Variants in ZNFX1 observed in about 807,000 individuals in gnomAD.
ZNFX1 encodes zinc finger NFX1-type containing 1.
Under a neutral mutation model 179.8 loss-of-function variants are expected in ZNFX1, and 78 were observed. That is an observed-to-expected ratio of 0.43 (90% CI 0.36 to 0.52). ZNFX1 has a LOEUF of 0.52. ZNFX1 is among the 20% of genes least tolerant of loss of function. The pLI is 0.00. For missense variants in ZNFX1, 1,927 were observed against 2,386.6 expected (o/e 0.81, Z 4.01); for synonymous variants, 848 against 868.5 (o/e 0.98, Z 0.42).
At chr20:49,256,552 G>A (rs976309721) in intron 8 of ZNFX1, among the ~76,000 whole-genome samples, 2 of 152,200 alleles carry the variant, frequency 1.3e-5, no homozygotes, top group African/African-American at 4.8e-5. Flanking sequence ...TCTTCTGGCC[G>A]TCACTGAGTC....
chr20:49,264,676 C>T, intron 5 of ZNFX1, 40 bp downstream of exon 5: 2 of 1,604,020 alleles, frequency 1.2e-6, no homozygotes, highest in Non-Finnish European at 8.5e-7. Context: ...TGTTTAGGTC[C>T]CTCTTGAACT....
chr20:49,257,701 T>TA (rs1490296855), intron 7 of ZNFX1, 37 bp from the exon 8 acceptor site: 2 of 1,432,820 alleles, frequency 1.4e-6, no homozygotes, highest in East Asian at 4.8e-5. Flanking sequence ...AGATGAAAAC[T>TA]CTTTTTTTTT....
intron 6 of ZNFX1, among the ~76,000 whole-genome samples, chr20:49,262,040 TAAA>T (rs11478099): frequency 6.7e-6 from 1 of 148,720 alleles, no homozygotes; most frequent in Non-Finnish European, 1.5e-5. Flanking sequence ...ATCATATTGT[TAAA>T]AAAAAAAAAA....
chr20:49,258,931 C>G (rs977057243), intron 7 of ZNFX1, among the ~76,000 whole-genome samples: 10 of 151,786 alleles, frequency 6.6e-5, no homozygotes, highest in Non-Finnish European at 1.5e-4. Context: ...TGGGGAAACC[C>G]CATCTTTACT....
chr20:49,270,612 C>G lies in ZNFX1; in HGVS notation c.1200G>C (p.Leu400=). Residue 400 remains leucine (L), a synonymous_variant, in exon 3 of 14, where the codon CTG becomes CTC. Coordinates refer to ENST00000396105, the MANE Select transcript of ZNFX1 (RefSeq NM_021035.3). This position sits in a 1 kb window ranked among gnomAD's most constrained non-coding sequence, Gnocchi z 4.6. The part of the protein sequence containing the change: ...ELLQSFEDQG[L]RKRKFDDIRI... The stretch of plus-strand genomic sequence containing the variant: ...GGATGTCATCAAACTTTCTCTTCCT[C>G]AGGCCCTGGTCTTCAAAGCTTTGGA... 1 of 1,614,232 alleles carries G rather than the reference C, an allele frequency of 6.2e-7. No individual in the cohort carries two copies. Among genetic ancestry groups the G allele is most frequent in the Non-Finnish European group, 8.5e-7 (1 of 1,180,044 alleles).
At chr20:49,257,012 T>C (rs1980986066) in intron 8 of ZNFX1, among the ~76,000 whole-genome samples, 1 of 152,196 alleles carries the variant, frequency 6.6e-6, no homozygotes, top group African/African-American at 2.4e-5. Flanking sequence ...GAATATTCCA[T>C]CCAGCCTGGA....
In ZNFX1 at chr20:49,270,916, T is replaced by C; in HGVS notation, c.896A>G (p.Gln299Arg). ...TTCCTGCAGATGTTCAATGATAGTC[T>C]GTACCTTTTCCAGGTTCTTCTCCGT... ...EETEKNLEKV[Q>R]TIIEHLQEKR... The change falls in exon 3 of 14, where the codon CAG (glutamine) becomes CGG (arginine). Residue 299 changes from glutamine (Q) to arginine (R), a missense_variant. Coordinates refer to ENST00000396105, the MANE Select transcript of ZNFX1 (RefSeq NM_021035.3). This position sits in a 1 kb window ranked among gnomAD's most constrained non-coding sequence, Gnocchi z 4.6. 1 of 1,614,178 alleles carries C rather than the reference T, an allele frequency of 6.2e-7. No homozygotes were observed. The highest frequency in any genetic ancestry group is 8.5e-7 in the Non-Finnish European group (1 of 1,180,038).
chr20:49,247,101 T>G lies in ZNFX1; in HGVS notation c.*166A>C, dbSNP rs2146726254. 1.1e-6 allele frequency: 1 copy of G among 871,646 alleles called. No individual in the cohort carries two copies. The highest frequency in any genetic ancestry group is 1.7e-6 in the Non-Finnish European group (1 of 583,126). The allele number at this position is 871,646 out of a possible 1,614,324, so 54.0% of individuals were successfully genotyped here. ...TCAGGCTGGTCTCGAACTCCTGACC[T>G]CGTGATCCGCCTGCCTCGGCCTCCC... On this transcript the variant is annotated 3_prime_UTR_variant, in exon 14 of 14. Transcript: ENST00000396105.
In ZNFX1 at chr20:49,271,033, G is replaced by A. The variant is rs893443763; in HGVS notation, c.779C>T (p.Ala260Val). The A allele has an allele frequency of 6.2e-7, 1 of 1,614,018 alleles. No homozygotes were observed. Among genetic ancestry groups the A allele is most frequent in the Non-Finnish European group, 8.5e-7 (1 of 1,180,014 alleles). ...CATGGAAGTTTCCTGCACAGAGCTG[G>A]CAGGGAAGACACTTACAAGGTCCTG... is the stretch of plus-strand genomic sequence containing the variant. ...LLQDLVSVFP[A>V]SSVQETSMLV... is the part of the protein sequence containing the mutation. Residue 260 changes from alanine to valine, a missense_variant, in exon 3 of 14, where the codon GCC becomes GTC. Coordinates refer to ENST00000396105, the MANE Select transcript of ZNFX1 (RefSeq NM_021035.3).
Position 49,248,040 on chromosome 20 carries a change from C to A in ZNFX1, c.4984G>T (p.Glu1662Ter). ...CTCTCCAGCAGGGCCTTAAGCCGTT[C>A]CTGGCTGGTTGCTATTTCCCCTGCT... ...GSAGEIATSQ[E>*]RLKALLERKS... is the part of the protein sequence containing the mutation. Residue 1662 changes from glutamate (E) to a stop codon, truncating the protein, a stop_gained, in exon 14 of 14, where the codon GAA (glutamate) becomes TAA (stop). Coordinates refer to ENST00000396105, the MANE Select transcript of ZNFX1 (RefSeq NM_021035.3). LOFTEE classifies it high-confidence loss of function. The surrounding 1 kb of genome is among the most constrained non-coding windows in gnomAD (Gnocchi z 4.6). The A allele has an allele frequency of 1.2e-6, 2 of 1,614,186 alleles. No homozygotes were observed. The highest frequency in any genetic ancestry group is 2.2e-5 in the East Asian group (1 of 44,884).
At position 49,246,707 on chromosome 20, in the gene ZNFX1, G is replaced by C. The variant is rs914502596; in HGVS notation, c.*560C>G. 4.7e-5 allele frequency: 18 copies of C among 380,900 alleles called. No individual in the cohort carries two copies. Among genetic ancestry groups the C allele is most frequent in the Non-Finnish European group, 9.3e-5 (18 of 193,892 alleles). The allele number at this position is 380,900 out of a possible 1,614,324, so 23.6% of individuals were successfully genotyped here. A position where few individuals can be genotyped will look rare whatever the true frequency, so the allele number is the denominator to read the frequency against. ...AGGTGGAAGCCCCAAACATGTTCCA[G>C]GGAGTCTGTCCACTAATTTGCAGGA... is the stretch of plus-strand genomic sequence containing the variant. On this transcript the variant is annotated 3_prime_UTR_variant, in exon 14 of 14. Transcript: ENST00000396105.
Position 49,271,593 on chromosome 20 carries a change from C to T in ZNFX1, c.219G>A (p.Met73Ile). 1 of 1,614,130 alleles carries T rather than the reference C, an allele frequency of 6.2e-7. No individual in the cohort carries two copies. Among genetic ancestry groups the T allele is most frequent in the East Asian group, 2.2e-5 (1 of 44,880 alleles). The change falls in exon 3 of 14, where the codon ATG becomes ATA. Residue 73 changes from methionine (M) to isoleucine (I), a missense_variant. Physicochemically the swap from Met to Ile is conservative, Grantham distance 10. Coordinates refer to ENST00000396105, the MANE Select transcript of ZNFX1 (RefSeq NM_021035.3). ...YWQREERFRA[M>I]GRNPHQGRRN... ...TCCTTCCTTGATGTGGGTTCCTGCCCATGGCCCTAAATCTCTCTTCCCTCT... is the reference window on the plus strand; with the variant it reads ...TCCTTCCTTGATGTGGGTTCCTGCCTATGGCCCTAAATCTCTCTTCCCTCT...
rs775671046 is a variant in ZNFX1, at chr20:49,247,443, C to A, written c.5581G>T (p.Gly1861Trp). 1.9e-6 allele frequency: 3 copies of A among 1,614,214 alleles called. No homozygotes were observed. The highest frequency in any genetic ancestry group is 2.2e-5 in the East Asian group (1 of 44,886). Residue 1861 changes from glycine to tryptophan, a missense_variant, in exon 14 of 14, where the codon GGG (glycine) becomes TGG (tryptophan). Physicochemically the swap from Gly to Trp is radical, Grantham distance 184 (BLOSUM62 -2). Coordinates refer to ENST00000396105, the MANE Select transcript of ZNFX1 (RefSeq NM_021035.3). ...CACGTGCCCCTCTCCATGGCTCCCC[C>A]ACAATCGCCAATCACATAGATATGG... The part of the protein sequence containing the change: ...NGHIYVIGDC[G>W]GAMERGTCPD...
At chr20:49,266,084 G>C in intron 4 of ZNFX1, 51 bp downstream of exon 4, 1 of 1,583,886 alleles carries the variant, frequency 6.3e-7, no homozygotes, top group Non-Finnish European at 8.6e-7. Flanking sequence ...AGTTGCTGAT[G>C]GTTCAATCAT....
rs374575322 is a variant in ZNFX1 at position 49,249,189 on chromosome 20, C to G, written c.3835G>C (p.Asp1279His). 9.9e-6 allele frequency: 16 copies of G among 1,614,102 alleles called. No homozygotes were observed. Among genetic ancestry groups the G allele is most frequent in the Admixed American group, 3.3e-5 (2 of 60,010 alleles). ...CCTCCTTCGGGTACTTTTTGGAAGTCAGAAGCTTTGGATACTAAGGTGTGG... is the reference window on the plus strand; with the variant it reads ...CCTCCTTCGGGTACTTTTTGGAAGTGAGAAGCTTTGGATACTAAGGTGTGG... ...ETHTLVSKAS[D>H]FQKVPEGGCS... The change falls in exon 14 of 14, where the codon GAC becomes CAC. Residue 1279 changes from aspartate (D) to histidine (H), a missense_variant. Transcript: ENST00000396105.
rs759022382 is a variant in ZNFX1 at position 49,249,273 on chromosome 20, G to T, written c.3751C>A (p.Arg1251=). 8 of 1,614,072 alleles carry T rather than the reference G, an allele frequency of 5.0e-6. No individual in the cohort carries two copies. Among genetic ancestry groups the T allele is most frequent in the East Asian group, 4.5e-5 (2 of 44,892 alleles). Residue 1251 remains arginine (R), a synonymous_variant, in exon 14 of 14, where the codon CGA becomes AGA. Transcript: ENST00000396105. ...ATGGGGCCTATTTGATTGTTCTCTC[G>T]AAGTGTATGAATGATCTTGCTCCAC... ...PLWSKIIHTL[R]ENNQIGPMLR...
At chr20:49,254,924 C>G (rs534431909) in intron 9 of ZNFX1, among the ~76,000 whole-genome samples, 1 of 152,168 alleles carries the variant, frequency 6.6e-6, no homozygotes, top group Non-Finnish European at 1.5e-5. Context: ...ATTCTCCCAG[C>G]TGCAGCATCC....
At position 49,248,481 on chromosome 20, in the gene ZNFX1, C is replaced by T; in HGVS notation, c.4543G>A (p.Val1515Ile). 1.2e-6 allele frequency: 2 copies of T among 1,612,452 alleles called. No individual in the cohort carries two copies. Among genetic ancestry groups the T allele is most frequent in the Non-Finnish European group, 1.7e-6 (2 of 1,178,792 alleles). ...ELCSPCVEPC[V>I]WRCQHYQCTK... ...CACTGGTAGTGCTGGCAGCGCCAGA[C>T]ACAGGGTTCCACGCAGGGACTACAC... The change falls in exon 14 of 14, where the codon GTC (valine) becomes ATC (isoleucine). Residue 1515 changes from valine (V) to isoleucine (I), a missense_variant. Coordinates refer to ENST00000396105, the MANE Select transcript of ZNFX1 (RefSeq NM_021035.3). This position sits in a 1 kb window ranked among gnomAD's most constrained non-coding sequence, Gnocchi z 4.6.
intron 6 of ZNFX1, among the ~76,000 whole-genome samples, chr20:49,262,407 C>CA (rs553327409): frequency 2.0e-3 from 168 of 84,434 alleles, no homozygotes; most frequent in East Asian, 5.0e-3. Flanking sequence ...AACTCTGTCT[C>CA]AAAAAAAAAA....
Sources: gnomAD v4.1 joint callset for allele counts (sites outside exome capture counted in the v4.1 genomes callset) on GRCh38, gnomAD v4.1.1 for gene constraint, Gnocchi (gnomAD v3.1) non-coding constraint, MANE v1.5 for transcripts, NCBI Gene and HGNC (gene_info 2026-07-23, HGNC 2026-07-21) for gene names.